Variants in GALNT10 observed in about 807,000 individuals in gnomAD.
The protein encoded by GALNT10 is GalNAc transferase 10.
In GALNT10, 41 loss-of-function variants were observed where a neutral mutation model predicts 75.0. That is an observed-to-expected ratio of 0.55 (90% CI 0.43 to 0.71). GALNT10 has a LOEUF of 0.71. Among genes scored for constraint, GALNT10 ranks in the 30% least tolerant of loss-of-function variants. The probability of loss-of-function intolerance (pLI) is 0.00; values close to 1 mark genes in which losing one functional copy is unlikely to be tolerated. For synonymous variants in GALNT10, 302 were observed against 313.0 expected (o/e 0.96, Z 0.37); for missense variants, 727 against 818.5 (o/e 0.89, Z 1.36).
intron 1 of GALNT10, among the ~76,000 whole-genome samples, chr5:154,230,468 G>A (rs932231937): frequency 6.6e-6 from 1 of 152,214 alleles, no homozygotes; most frequent in Non-Finnish European, 1.5e-5. Context: ...ACAGGGCACA[G>A]ATAAGGGGAC....
chr5:154,255,833 C>A (rs1311330760), intron 1 of GALNT10, among the ~76,000 whole-genome samples: 2 of 151,682 alleles, frequency 1.3e-5, no homozygotes, highest in African/African-American at 4.8e-5. Context: ...GGAAGCCTCC[C>A]TTCCCTCCCC....
Position 154,324,610 on chromosome 5 carries a change from G to T in GALNT10, c.402-4962G>T, listed in dbSNP as rs191456810. ...ACCAGTTATGGATGTGAATATTTTGGGGTAATGATTCTCAAATTTGAGTGG... is the reference window on the plus strand; with the variant it reads ...ACCAGTTATGGATGTGAATATTTTGTGGTAATGATTCTCAAATTTGAGTGG... On this transcript the variant is annotated intron_variant, in intron 3 of 11. Transcript: ENST00000297107. 8.5e-5 allele frequency among the ~76,000 whole-genome samples: 13 copies of T among 152,292 alleles called. No individual in the cohort carries two copies. In the East Asian group the frequency reaches 2.5e-3, roughly 29 times the overall value.
At chr5:154,253,355 A>G (rs957043900) in intron 1 of GALNT10, among the ~76,000 whole-genome samples, 1 of 135,324 alleles carries the variant, frequency 7.4e-6, no homozygotes, top group East Asian at 2.5e-4. Flanking sequence ...GAACACTTGG[A>G]CACAGGAAGG....
At chr5:154,213,734 A>G (rs527252424) in intron 1 of GALNT10, among the ~76,000 whole-genome samples, 1 of 152,158 alleles carries the variant, frequency 6.6e-6, no homozygotes, top group African/African-American at 2.4e-5. Context: ...GGCAGGTGCC[A>G]CCATGCTGGC....
intron 7 of GALNT10, chr5:154,388,568 A>C (rs1193781332): frequency 6.6e-6 from 1 of 152,106 alleles, no homozygotes; most frequent in Admixed American, 6.6e-5. Context: ...GCCCAAACGC[A>C]GGTCTGCTTG....
chr5:154,235,759 C>T (rs1028198626), intron 1 of GALNT10, among the ~76,000 whole-genome samples: 1 of 152,102 alleles, frequency 6.6e-6, no homozygotes. Flanking sequence ...TAGCTATTCC[C>T]GTTAATAACA....
rs535948214 is a variant in GALNT10, at chr5:154,416,935, C to G, written c.1775C>G (p.Thr592Ser). ...ACCCAGCAGTGGCTGTTTGAACACA[C>G]CAACTCAACAGTCTTGGAAAAATTC... ...SLTQQWLFEH[T>S]NSTVLEKFNR... is the part of the protein sequence containing the mutation. The change falls in exon 12 of 12, where the codon ACC (threonine) becomes AGC (serine). Residue 592 changes from threonine to serine, a missense_variant. Coordinates refer to ENST00000297107, the MANE Select transcript of GALNT10 (RefSeq NM_198321.4). The surrounding 1 kb of genome is among the most constrained non-coding windows in gnomAD (Gnocchi z 4.5). 18 of 1,614,184 alleles carry G rather than the reference C, an allele frequency of 1.1e-5. No individual in the cohort carries two copies. The East Asian group carries it at 3.8e-4, about 34-fold the overall frequency.
At chr5:154,350,184 TC>T (rs1755185997) in intron 4 of GALNT10, among the ~76,000 whole-genome samples, 1 of 148,792 alleles carries the variant, frequency 6.7e-6, no homozygotes, top group Non-Finnish European at 1.5e-5. Context: ...AAAGTTGCTT[TC>T]CTTTAAAAAA....
chr5:154,355,014 T>C lies in GALNT10; in HGVS notation c.569-21263T>C, dbSNP rs369190782. ...GACTGTCAAGTCGTTGTGGTACTGT[T>C]TGTGCATCGTACTGAATTATGACAT... On this transcript the variant is annotated intron_variant, in intron 4 of 11. Transcript: ENST00000297107. Among the ~76,000 whole-genome samples the C allele has an allele frequency of 4.6e-5, 7 of 152,350 alleles. No individual in the cohort carries two copies. The East Asian group carries it at 9.6e-4, about 21-fold the overall frequency.
At chr5:154,260,784 AAT>A (rs1328297297) in intron 1 of GALNT10, among the ~76,000 whole-genome samples, 1 of 152,182 alleles carries the variant, frequency 6.6e-6, no homozygotes, top group Non-Finnish European at 1.5e-5. Flanking sequence ...CTTTTAAGTG[AAT>A]ACTATTTAGC....
In GALNT10 at chr5:154,324,224, G is replaced by A. The variant is rs1462337118; in HGVS notation, c.402-5348G>A. 4.6e-5 allele frequency among the ~76,000 whole-genome samples: 7 copies of A among 152,348 alleles called. No homozygotes were observed. The South Asian group carries it at 6.2e-4, about 14-fold the overall frequency. ...GAGTGATAAGGCAGCGCTCTGTGCA[G>A]ATGCAGTGTCCCCAGCTGCTGGCAG... On this transcript the variant is annotated intron_variant, in intron 3 of 11. Coordinates refer to ENST00000297107, the MANE Select transcript of GALNT10 (RefSeq NM_198321.4).
chr5:154,304,062 G>C lies in GALNT10; in HGVS notation c.401+5983G>C, dbSNP rs1052852593. On this transcript the variant is annotated intron_variant, in intron 3 of 11. Coordinates refer to ENST00000297107, the MANE Select transcript of GALNT10 (RefSeq NM_198321.4). ...GAATGGGATTAATGGCATAGATATT[G>C]CTGGAAAAAAAAGATTAATGAACTT... Among the ~76,000 whole-genome samples, 13 of 152,204 alleles carry C rather than the reference G, an allele frequency of 8.5e-5. No homozygotes were observed. The East Asian group carries it at 2.3e-3, about 27-fold the overall frequency.
At chr5:154,405,523 T>C (rs1756260943) in intron 8 of GALNT10, among the ~76,000 whole-genome samples, 2 of 151,846 alleles carry the variant, frequency 1.3e-5, no homozygotes. Context: ...CATTTGGCGA[T>C]CCCTGAGGAG....
rs757993260 is a variant in GALNT10, at chr5:154,376,126, G to GCC, written c.569-149_569-148dup. 4.6e-6 allele frequency: 3 copies of GCC among 656,612 alleles called. No homozygotes were observed. The highest frequency in any genetic ancestry group is 8.1e-6 in the Non-Finnish European group (3 of 370,856). The allele number at this position is 656,612 out of a possible 1,614,324, so 40.7% of individuals were successfully genotyped here. Reference sequence around the variant, plus strand: ...GTAGTACACAGGTGATGAGAACACTGCCCTTCTTCTCCCTGTCTGAAAGGT... The same window carrying GCC: ...GTAGTACACAGGTGATGAGAACACTGCCCCCTTCTTCTCCCTGTCTGAAAGGT... On this transcript the variant is annotated intron_variant, in intron 4 of 11. Transcript: ENST00000297107. This position sits in a 1 kb window ranked among gnomAD's most constrained non-coding sequence, Gnocchi z 4.1.
chr5:154,194,379 G>T (rs1774903872), intron 1 of GALNT10, among the ~76,000 whole-genome samples: 1 of 152,278 alleles, frequency 6.6e-6, no homozygotes, highest in Middle Eastern at 3.4e-3. Flanking sequence ...GCCTTGGAAC[G>T]ATTTCCTTAA....
intron 1 of GALNT10, among the ~76,000 whole-genome samples, chr5:154,284,591 G>T (rs1754086359): frequency 6.6e-6 from 1 of 152,140 alleles, no homozygotes; most frequent in Non-Finnish European, 1.5e-5. Flanking sequence ...CTCCTGCCCA[G>T]CCCGTCAAGC....
In GALNT10 at chr5:154,404,216, G is replaced by A. The variant is rs1756226824; in HGVS notation, c.1164+5G>A. 2 of 1,569,894 alleles carry A rather than the reference G, an allele frequency of 1.3e-6. No homozygotes were observed. Among genetic ancestry groups the A allele is most frequent in the East Asian group, 2.2e-5 (1 of 44,602 alleles). The stretch of plus-strand genomic sequence containing the variant: ...GCCGGAGTCAGCCTGGCCCGGGTAA[G>A]GTGGTGGCTTTCCTTGGCGGGTAGA... On this transcript the variant is annotated splice_donor_5th_base_variant and intron_variant, in intron 8 of 11. Transcript: ENST00000297107.
intron 1 of GALNT10, among the ~76,000 whole-genome samples, chr5:154,192,598 A>T (rs1013628630): frequency 2.6e-5 from 4 of 152,144 alleles, no homozygotes; most frequent in African/African-American, 9.7e-5. Context: ...AACCATGATT[A>T]TTGGTCCAGT....
Position 154,190,743 on chromosome 5 carries a change from G to C in GALNT10, c.-124G>C, listed in dbSNP as rs533371570. 31 of 277,002 alleles carry C rather than the reference G, an allele frequency of 1.1e-4. No homozygotes were observed. Among genetic ancestry groups the C allele is most frequent in the East Asian group, 1.1e-3 (6 of 5,552 alleles). The allele number at this position is 277,002 out of a possible 1,614,324, so 17.2% of individuals were successfully genotyped here. On this transcript the variant is annotated 5_prime_UTR_variant, in exon 1 of 12. Transcript: ENST00000297107. ...GGCGGAAGTGCCGCGGAGTTGGAGC[G>C]GGGCCGGCGCCGCAGCCGCTTCTGC...
Sources: allele counts gnomAD v4.1 joint callset (sites outside exome capture counted in the v4.1 genomes callset), GRCh38; gene constraint gnomAD v4.1.1; non-coding constraint Gnocchi (gnomAD v3.1); transcripts MANE v1.5; gene names NCBI Gene and HGNC (gene_info 2026-07-23, HGNC 2026-07-21).